The following SENP2 variants were observed in gnomAD, a reference collection of about 807,000 sequenced individuals.
The protein encoded by SENP2 is sentrin-specific protease 2.
SENP2 carries 16 observed loss-of-function variants against 86.3 expected under a neutral mutation model. The ratio of observed to expected loss-of-function variants is 0.19; its 90% CI spans 0.13 to 0.28. The LOEUF (loss-of-function observed/expected upper bound fraction) is 0.28. SENP2 is among the 10% of genes least tolerant of loss of function. The pLI is 1.00. For missense variants in SENP2, 552 were observed against 703.0 expected, an observed-to-expected ratio of 0.79 and a Z score of 2.43; for synonymous variants, 222 against 238.7, an observed-to-expected ratio of 0.93 and a Z score of 0.64.
At chr3:185,591,646 T>G (rs1286813717) in intron 2 of SENP2, among the ~76,000 whole-genome samples, 1 of 152,130 alleles carries the variant, frequency 6.6e-6, no homozygotes, top group African/African-American at 2.4e-5. Context: ...CCCCCGCGCC[T>G]GGCCCTACTT....
Position 185,619,249 on chromosome 3 carries a change from T to G in SENP2, c.1243-50T>G, listed in dbSNP as rs756457605. ...CCTTATTCAGGTAGAAATTTAGTTTTGATAATATGTTTGCCATGTTCCAGC... is the reference window on the plus strand; with the variant it reads ...CCTTATTCAGGTAGAAATTTAGTTTGGATAATATGTTTGCCATGTTCCAGC... On this transcript the variant is annotated intron_variant, in intron 12 of 16. Transcript: ENST00000296257. The G allele has an allele frequency of 6.0e-6, 8 of 1,338,520 alleles. No homozygotes were observed. In the Admixed American group the frequency reaches 1.2e-4, roughly 20 times the overall value. 82.9% of individuals were successfully genotyped at this position (1,338,520 alleles called of 1,614,324 possible).
Position 185,586,613 on chromosome 3 carries a change from A to C in SENP2, c.101+99A>C. 8.6e-7 allele frequency: 1 copy of C among 1,162,400 alleles called. No homozygotes were observed. The highest frequency in any genetic ancestry group is 1.3e-6 in the Non-Finnish European group (1 of 799,754). The allele number at this position is 1,162,400 out of a possible 1,614,324, so 72.0% of individuals were successfully genotyped here. ...CTTTGATTCAGCCAGGCTCACCCGA[A>C]ACAGGTCGCCGGGATCCTAGTGACG... On this transcript the variant is annotated intron_variant, in intron 1 of 16. Coordinates refer to ENST00000296257, the MANE Select transcript of SENP2 (RefSeq NM_021627.3). This position sits in a 1 kb window ranked among gnomAD's most constrained non-coding sequence, Gnocchi z 4.3.
Position 185,598,519 on chromosome 3 carries a change from A to G in SENP2, c.265A>G (p.Thr89Ala). The change falls in exon 3 of 17, where the codon ACA becomes GCA. Residue 89 changes from threonine to alanine, a missense_variant. Thr to Ala is a moderately conservative substitution (Grantham distance 58, BLOSUM62 0). Around this residue, in one of 2 missense-constraint regions of SENP2, gnomAD observed 383 missense variants for 427.3 expected, o/e 0.90. Transcript: ENST00000296257. ...CATGGTAACTTCTGCTTGTAATGGAACACGGAATGTGGCCCCTTCAGGAGA... is the reference window on the plus strand; with the variant it reads ...CATGGTAACTTCTGCTTGTAATGGAGCACGGAATGTGGCCCCTTCAGGAGA... Reference protein sequence around the residue: ...KPMVTSACNGTRNVAPSGEVF... With the variant: ...KPMVTSACNGARNVAPSGEVF... 1 of 1,614,050 alleles carries G rather than the reference A, an allele frequency of 6.2e-7. No homozygotes were observed. The highest frequency in any genetic ancestry group is 8.5e-7 in the Non-Finnish European group (1 of 1,179,990).
intron 12 of SENP2, among the ~76,000 whole-genome samples, chr3:185,618,656 A>T (rs1026875268): frequency 2.2e-4 from 34 of 152,178 alleles, no homozygotes; most frequent in African/African-American, 7.7e-4. Flanking sequence ...AGGCGGGCGG[A>T]TCACGAGGTC....
Position 185,623,999 on chromosome 3 carries a change from C to G in SENP2, c.1528C>G (p.Gln510Glu). ...TTCCTTCTTTGTTTTGCTTTTTAGT[C>G]AGTATTTACAGGATGAAAGTAAGAC... Reference protein sequence around the residue: ...KGHRICEILLQYLQDESKTKR... With the variant: ...KGHRICEILLEYLQDESKTKR... Residue 510 changes from glutamine (Q) to glutamate (E), a missense_variant and splice_region_variant, in exon 15 of 17, where the codon CAG (glutamine) becomes GAG (glutamate). Physicochemically the swap from Gln to Glu is conservative, Grantham distance 29. Around this residue, in one of 2 missense-constraint regions of SENP2, gnomAD observed 169 missense variants for 275.7 expected, o/e 0.61. Transcript: ENST00000296257. The G allele has an allele frequency of 6.3e-7, 1 of 1,591,820 alleles. No individual in the cohort carries two copies. The highest frequency in any genetic ancestry group is 1.7e-5 in the Admixed American group (1 of 58,464).
intron 12 of SENP2, among the ~76,000 whole-genome samples, chr3:185,618,392 A>G (rs189815314): frequency 1.1e-3 from 166 of 152,168 alleles, no homozygotes; most frequent in African/African-American, 3.5e-3. Flanking sequence ...TTCTTTGACA[A>G]TTTTCTGGTG....
Position 185,590,127 on chromosome 3 carries a change from A to G in SENP2, c.115A>G (p.Thr39Ala), listed in dbSNP as rs371947025. 11 of 1,537,278 alleles carry G rather than the reference A, an allele frequency of 7.2e-6. No homozygotes were observed. Among genetic ancestry groups the G allele is most frequent in the Non-Finnish European group, 7.9e-6 (9 of 1,139,266 alleles). Residue 39 changes from threonine to alanine, a missense_variant, in exon 2 of 17, where the codon ACA becomes GCA. Physicochemically the swap from Thr to Ala is moderately conservative, Grantham distance 58 (BLOSUM62 0). Around this residue, in one of 2 missense-constraint regions of SENP2, gnomAD observed 383 missense variants for 427.3 expected, o/e 0.90. Coordinates refer to ENST00000296257, the MANE Select transcript of SENP2 (RefSeq NM_021627.3). ...RRRSDSTLFSTVDTDEIPAKR... is the reference protein window; with the variant it reads ...RRRSDSTLFSAVDTDEIPAKR... ...TCTCTTTTTCAGCACTCTGTTTTCT[A>G]CAGTGGACACTGATGAAATACCAGC...
intron 2 of SENP2, among the ~76,000 whole-genome samples, chr3:185,594,149 T>C (rs1288180662): frequency 6.6e-6 from 1 of 151,906 alleles, no homozygotes; most frequent in Non-Finnish European, 1.5e-5. Context: ...ATAAATAGCT[T>C]GTACTTGGAT....
In SENP2 at chr3:185,603,546, C is replaced by T. The variant is rs769257375; in HGVS notation, c.449+2691C>T. On this transcript the variant is annotated intron_variant, in intron 5 of 16. Coordinates refer to ENST00000296257, the MANE Select transcript of SENP2 (RefSeq NM_021627.3). ...TAACTAAATGCATGCAATGTGAGAT[C>T]CTGGATTAGATTTTAGATGGGACAA... 7.6e-4 allele frequency among the ~76,000 whole-genome samples: 116 copies of T among 152,094 alleles called. 1 individual carries two copies. Among genetic ancestry groups the T allele is most frequent in the Non-Finnish European group, 5.0e-4 (34 of 68,020 alleles).
intron 5 of SENP2, among the ~76,000 whole-genome samples, chr3:185,602,720 G>A (rs926636657): frequency 6.7e-6 from 1 of 150,278 alleles, no homozygotes; most frequent in Non-Finnish European, 1.5e-5. Context: ...TGTAGTCCCT[G>A]CTACTTGGGA....
In SENP2 at chr3:185,614,883, C is replaced by G. The variant is rs1044393364; in HGVS notation, c.1110+143C>G. The G allele has an allele frequency of 4.0e-5, 29 of 725,286 alleles. No individual in the cohort carries two copies. In the African/African-American group the frequency reaches 4.3e-4, roughly 11 times the overall value. 44.9% of individuals were successfully genotyped at this position (725,286 alleles called of 1,614,324 possible). A position where few individuals can be genotyped will look rare whatever the true frequency, so the allele number is the denominator to read the frequency against. ...ATGTCAGGTCCATGGTCTGTTGATT[C>G]ACTTTGACTACATTGATCTTTAGTG... is the stretch of plus-strand genomic sequence containing the variant. On this transcript the variant is annotated intron_variant, in intron 11 of 16. Transcript: ENST00000296257.
rs531617084 is a variant in SENP2, at chr3:185,593,889, C to T, written c.157+3720C>T. ...GATTACAGGCGCCCACCACTATGCC[C>T]GGCTAATTTTTGTGTTTTTAATAGA... On this transcript the variant is annotated intron_variant, in intron 2 of 16. Transcript: ENST00000296257. Among the ~76,000 whole-genome samples the T allele has an allele frequency of 9.0e-4, 137 of 151,936 alleles. 1 individual carries two copies. Among genetic ancestry groups the T allele is most frequent in the African/African-American group, 3.2e-3 (132 of 41,458 alleles).
In SENP2 at chr3:185,600,837, G is replaced by C; in HGVS notation, c.431G>C (p.Arg144Thr). The C allele has an allele frequency of 6.2e-7, 1 of 1,610,464 alleles. No individual in the cohort carries two copies. Among genetic ancestry groups the C allele is most frequent in the South Asian group, 1.1e-5 (1 of 90,982 alleles). ...RVTVTRDQPR[R>T]VLPSFGFTLN... ...ACAGTTACCCGAGATCAGCCACGCA[G>C]AGTCCTGCCTTCCTTTGGGTAAGTG... Residue 144 changes from arginine (R) to threonine (T), a missense_variant, in exon 5 of 17, where the codon AGA becomes ACA. Arg to Thr is a moderately conservative substitution (Grantham distance 71, BLOSUM62 -1). Coordinates refer to ENST00000296257, the MANE Select transcript of SENP2 (RefSeq NM_021627.3).
At chr3:185,629,293 C>T (rs1266675826) in intron 16 of SENP2, among the ~76,000 whole-genome samples, 1 of 152,128 alleles carries the variant, frequency 6.6e-6, no homozygotes, top group Non-Finnish European at 1.5e-5. Context: ...TTATGGTAGG[C>T]CGCCTGTGGT....
rs557832407 is a variant in SENP2 at position 185,610,154 on chromosome 3, CTTTTTTT to C, written c.722+821_722+827del. On this transcript the variant is annotated intron_variant, in intron 7 of 16. Coordinates refer to ENST00000296257, the MANE Select transcript of SENP2 (RefSeq NM_021627.3). ...TAAAAAGTCACAGAATATTATCTAG[CTTTTTTT>C]TTTTTTTTTTTTTTTTGAGATGGAG... Among the ~76,000 whole-genome samples the C allele has an allele frequency of 4.0e-3, 458 of 115,054 alleles. 1 individual carries two copies. Among genetic ancestry groups the C allele is most frequent in the African/African-American group, 0.013 (408 of 30,970 alleles). 75.5% of individuals were successfully genotyped at this position (115,054 alleles called of 152,430 possible). A position where few individuals can be genotyped will look rare whatever the true frequency, so the allele number is the denominator to read the frequency against.
intron 5 of SENP2, among the ~76,000 whole-genome samples, chr3:185,601,885 A>G (rs931314648): frequency 1.3e-4 from 20 of 151,768 alleles, no homozygotes; most frequent in African/African-American, 4.8e-4. Flanking sequence ...TAATCCACCC[A>G]CCTCAGCCTC....
intron 6 of SENP2, 159 bp from the exon 7 acceptor site, chr3:185,609,088 G>A (rs1480151900): frequency 3.6e-6 from 2 of 554,560 alleles, no homozygotes; most frequent in Non-Finnish European, 6.3e-6. Flanking sequence ...ATCAAAGGAG[G>A]CTAGATTATT....
Position 185,611,863 on chromosome 3 carries a change from C to A in SENP2, c.817+118C>A, listed in dbSNP as rs116874060. 51 of 771,390 alleles carry A rather than the reference C, an allele frequency of 6.6e-5. No homozygotes were observed. In the East Asian group the frequency reaches 1.2e-3, roughly 18 times the overall value. 47.8% of individuals were successfully genotyped at this position (771,390 alleles called of 1,614,324 possible). A position where few individuals can be genotyped will look rare whatever the true frequency, so the allele number is the denominator to read the frequency against. ...ATGGTGTACCAAAATACTGTCAAATCTCACAGCATTGGGCCGGGCGCGGTG... is the reference window on the plus strand; with the variant it reads ...ATGGTGTACCAAAATACTGTCAAATATCACAGCATTGGGCCGGGCGCGGTG... On this transcript the variant is annotated intron_variant, in intron 8 of 16. Coordinates refer to ENST00000296257, the MANE Select transcript of SENP2 (RefSeq NM_021627.3).
At position 185,606,475 on chromosome 3, in the gene SENP2, C is replaced by CT; in HGVS notation, c.595_596insT (p.Arg199LeufsTer26). 6.2e-7 allele frequency: 1 copy of CT among 1,610,972 alleles called. No individual in the cohort carries two copies. Among genetic ancestry groups the CT allele is most frequent in the Non-Finnish European group, 8.5e-7 (1 of 1,179,126 alleles). Reference sequence around the variant, plus strand: ...TGAAGAGAGTGGCAAGGGTCTGAGGCGTCCCCATTGTACTGTGGAGGAGGT... The same window carrying CT: ...TGAAGAGAGTGGCAAGGGTCTGAGGCTGTCCCCATTGTACTGTGGAGGAGGT... On this transcript the variant is annotated frameshift_variant, in exon 6 of 17. Transcript: ENST00000296257.
Sources: gnomAD v4.1 joint callset for allele counts (sites outside exome capture counted in the v4.1 genomes callset) on GRCh38, gnomAD v4.1.1 for gene constraint, gnomAD v4.1.1 regional missense constraint, Gnocchi (gnomAD v3.1) non-coding constraint, MANE v1.5 for transcripts, NCBI Gene and HGNC (gene_info 2026-07-23, HGNC 2026-07-21) for gene names.